NLGN4X: variants seen among roughly 807,000 people sequenced by gnomAD.
NLGN4X encodes neuroligin 4 X-linked.
Under a neutral mutation model 40.3 loss-of-function variants are expected in NLGN4X, and 3 were observed. That is an observed-to-expected ratio of 0.07 (90% CI 0.03 to 0.19). The LOEUF is 0.19. Ranked by LOEUF, NLGN4X falls within the 10% of genes least tolerant of loss-of-function variation. NLGN4X has a pLI of 1.00. For missense variants in NLGN4X, 382 were observed against 708.3 expected (o/e 0.54, Z 5.23); for synonymous variants, 270 against 306.8 (o/e 0.88, Z 1.25).
At chrX:6,103,384 CT>C (rs1261157344) in intron 2 of NLGN4X, among the ~76,000 whole-genome samples, 1 of 111,838 alleles carries the variant, frequency 8.9e-6, no homozygotes, top group East Asian at 2.8e-4. Flanking sequence ...ATTCCAACTT[CT>C]CTTGTTCCTT....
intron 2 of NLGN4X, among the ~76,000 whole-genome samples, chrX:6,051,129 A>G (rs2037481529): frequency 8.9e-6 from 1 of 111,910 alleles, no homozygotes; most frequent in African/African-American, 3.2e-5. Context: ...AACACCCCAC[A>G]TCCTTATCTA....
chrX:6,044,537 A>AT (rs1377458631), intron 2 of NLGN4X, among the ~76,000 whole-genome samples: 24 of 111,257 alleles, frequency 2.2e-4, no homozygotes, highest in African/African-American at 7.8e-4. Context: ...TTTATGGAAG[A>AT]TTTTTAGGGT....
intron 3 of NLGN4X, among the ~76,000 whole-genome samples, chrX:5,998,410 CAA>C (rs11344030): frequency 0.033 from 2,578 of 77,158 alleles, 99 homozygotes; most frequent in African/African-American, 0.11. Flanking sequence ...AACTCCTTCT[CAA>C]AAAAAAAAAA....
intron 2 of NLGN4X, among the ~76,000 whole-genome samples, chrX:6,084,809 T>C (rs1228529167): frequency 9.0e-6 from 1 of 110,716 alleles, no homozygotes; most frequent in Non-Finnish European, 1.9e-5. Flanking sequence ...TTTGATGATG[T>C]TCAAGAAGGT....
chrX:6,208,404 C>A (rs934091445), intron 1 of NLGN4X, among the ~76,000 whole-genome samples: 4 of 112,134 alleles, frequency 3.6e-5, no homozygotes, highest in African/African-American at 6.5e-5. Context: ...GGATAACGTG[C>A]GTTATATTAA....
chrX:6,158,865 C>G (rs1015617718), intron 1 of NLGN4X, among the ~76,000 whole-genome samples: 1 of 112,267 alleles, frequency 8.9e-6, no homozygotes, highest in Non-Finnish European at 1.9e-5. Context: ...TCTCATCATT[C>G]AGCTCCCACT....
At chrX:6,092,410 T>G (rs1485493803) in intron 2 of NLGN4X, among the ~76,000 whole-genome samples, 1 of 111,975 alleles carries the variant, frequency 8.9e-6, no homozygotes, top group African/African-American at 3.2e-5. Flanking sequence ...AAGCTTGGCT[T>G]CCAGTAAGGT....
intron 3 of NLGN4X, among the ~76,000 whole-genome samples, chrX:6,008,395 G>A (rs1413730751): frequency 8.9e-6 from 1 of 111,888 alleles, no homozygotes; most frequent in East Asian, 2.8e-4. Flanking sequence ...ACCAGCATGC[G>A]GTACTGATTG....
At chrX:6,030,488 C>T (rs6639582) in intron 2 of NLGN4X, among the ~76,000 whole-genome samples, 35,315 of 96,624 alleles carry the variant, frequency 0.37, 5,374 homozygotes, top group East Asian at 0.78. Context: ...TTTTCAATTT[C>T]TTCATCAATA....
At chrX:5,897,598 G>C (rs2031573302) in intron 5 of NLGN4X, among the ~76,000 whole-genome samples, 1 of 111,608 alleles carries the variant, frequency 9.0e-6, no homozygotes, top group Non-Finnish European at 1.9e-5. Flanking sequence ...CTACAGGGGA[G>C]GATCCCCCTC....
chrX:6,201,457 T>C (rs1290346587), intron 1 of NLGN4X, among the ~76,000 whole-genome samples: 1 of 111,802 alleles, frequency 8.9e-6, no homozygotes, highest in Non-Finnish European at 1.9e-5. Flanking sequence ...TTGAACGAGA[T>C]AGTAGTCTTA....
At chrX:6,105,534 C>T (rs908199759) in intron 2 of NLGN4X, among the ~76,000 whole-genome samples, 17 of 111,632 alleles carry the variant, frequency 1.5e-4, no homozygotes, top group Admixed American at 4.8e-4. Flanking sequence ...TAGAGACTAT[C>T]GTCTAGCACG....
chrX:6,225,072 CAT>C (rs1366910113), intron 1 of NLGN4X, among the ~76,000 whole-genome samples: 1 of 97,259 alleles, frequency 1.0e-5, no homozygotes, highest in African/African-American at 3.8e-5. Flanking sequence ...TGTATACACA[CAT>C]ACACACACAC....
At position 6,062,703 on chromosome X, in the gene NLGN4X, GAGTA is replaced by G. The variant is rs757639539; in HGVS notation, c.473-33275_473-33272del. ...TTTCCCATGCTGTTCTGGTGATAGT[GAGTA>G]AGTATCACAAAACCTGATGGTTTTG... On this transcript the variant is annotated intron_variant, in intron 2 of 5. Coordinates refer to ENST00000381095, the MANE Select transcript of NLGN4X (RefSeq NM_181332.3). Among the ~76,000 whole-genome samples, 17 of 110,519 alleles carry G rather than the reference GAGTA, an allele frequency of 1.5e-4. No homozygotes were observed. The East Asian group carries it at 3.2e-3, about 21-fold the overall frequency.
chrX:6,154,784 A>G (rs967740118), intron 1 of NLGN4X, among the ~76,000 whole-genome samples: 4 of 111,960 alleles, frequency 3.6e-5, no homozygotes, highest in Non-Finnish European at 7.5e-5. Flanking sequence ...TAAAATAATA[A>G]TATCTCAGAA....
intron 3 of NLGN4X, among the ~76,000 whole-genome samples, chrX:6,022,037 T>A (rs1327577216): frequency 8.9e-6 from 1 of 112,359 alleles, no homozygotes; most frequent in Non-Finnish European, 1.9e-5. Context: ...CTCTCATGCT[T>A]CTTTTACGTC....
chrX:5,977,311 C>T (rs1249485977), intron 3 of NLGN4X, among the ~76,000 whole-genome samples: 1 of 111,499 alleles, frequency 9.0e-6, no homozygotes, highest in Non-Finnish European at 1.9e-5. Flanking sequence ...GCCTCAAACA[C>T]CTGGGCTCAA....
rs754767173 is a variant in NLGN4X at position 5,997,895 on chromosome X, A to T, written c.625+31385T>A. ...ATGTGCCAATGTGGTCAGTAGTTAG[A>T]ACTCCCATCTGTTGCTCATATACAA... On this transcript the variant is annotated intron_variant, in intron 3 of 5. Transcript: ENST00000381095. Among the ~76,000 whole-genome samples the T allele has an allele frequency of 3.6e-5, 4 of 110,856 alleles. No individual in the cohort carries two copies. The East Asian group carries it at 1.1e-3, about 32-fold the overall frequency.
intron 1 of NLGN4X, among the ~76,000 whole-genome samples, chrX:6,202,269 C>T (rs142763774): frequency 3.5e-3 from 389 of 109,980 alleles, no homozygotes; most frequent in African/African-American, 0.012. Context: ...AGAGTACCTG[C>T]TCTTGAAGTC....
Sources: allele counts gnomAD v4.1 joint callset (sites outside exome capture counted in the v4.1 genomes callset), GRCh38; gene constraint gnomAD v4.1.1; transcripts MANE v1.5; gene names NCBI Gene and HGNC (gene_info 2026-07-23, HGNC 2026-07-21).